PRTG: variants seen among roughly 807,000 people sequenced by gnomAD.
The protein encoded by PRTG is protogenin.
PRTG carries 67 observed loss-of-function variants against 122.5 expected under a neutral mutation model. The observed-to-expected ratio is 0.55, with a 90% CI of 0.45 to 0.67. The LOEUF (loss-of-function observed/expected upper bound fraction) is 0.67. Ranked by LOEUF, PRTG falls within the 30% of genes least tolerant of loss-of-function variation. PRTG has a pLI of 0.00. For synonymous variants in PRTG, 554 were observed against 501.1 expected (o/e 1.11, Z -1.41); for missense variants, 1,435 against 1,415.4 (o/e 1.01, Z -0.22).
chr15:55,702,439 T>C (rs1945139680), intron 2 of PRTG, among the ~76,000 whole-genome samples: 2 of 152,230 alleles, frequency 1.3e-5, no homozygotes, highest in Admixed American at 1.3e-4. Flanking sequence ...AATAGACATC[T>C]GATAAACACA....
At chr15:55,738,625 A>G (rs2031510242) in intron 2 of PRTG, 1 of 646,918 alleles carries the variant, frequency 1.5e-6, no homozygotes, top group Non-Finnish European at 2.8e-6. Context: ...TGAACAGAAT[A>G]TAAGCATAAA....
intron 17 of PRTG, among the ~76,000 whole-genome samples, chr15:55,626,201 A>C (rs1268122767): frequency 1.3e-5 from 2 of 152,128 alleles, no homozygotes; most frequent in Non-Finnish European, 1.5e-5. Flanking sequence ...AGACCATTTA[A>C]GGTCAGGAGT....
intron 12 of PRTG, 135 bp downstream of exon 12, chr15:55,640,975 AACT>A (rs2141736638): frequency 1.8e-6 from 1 of 544,600 alleles, no homozygotes; most frequent in Non-Finnish European, 3.2e-6. Context: ...AAAACAAAAA[AACT>A]ACGCTATACA....
rs181451386 is a variant in PRTG, at chr15:55,690,622, C to T, written c.398-6691G>A. ...TTCAGCCTTTTGGATTTGGGATGCT[C>T]AACCGGCGTAATGCAAATATTACAA... On this transcript the variant is annotated intron_variant, in intron 2 of 19. Coordinates refer to ENST00000389286, the MANE Select transcript of PRTG (RefSeq NM_173814.6). 6.3e-3 allele frequency among the ~76,000 whole-genome samples: 963 copies of T among 152,174 alleles called. 11 individuals carry two copies. The highest frequency in any genetic ancestry group is 0.022 in the African/African-American group (928 of 41,514).
At chr15:55,692,798 AAC>A (rs1268893831) in intron 2 of PRTG, among the ~76,000 whole-genome samples, 4 of 151,824 alleles carry the variant, frequency 2.6e-5, no homozygotes, top group Non-Finnish European at 4.4e-5. Context: ...AGCCTAAAAA[AAC>A]AGTGTTTACT....
At chr15:55,679,978 A>G in intron 6 of PRTG, 76 bp downstream of exon 6, 1 of 1,160,276 alleles carries the variant, frequency 8.6e-7, no homozygotes, top group Non-Finnish European at 1.3e-6. Context: ...TCAAGAAAGA[A>G]GTAAGCTATG....
At chr15:55,691,079 G>A (rs1384705138) in intron 2 of PRTG, among the ~76,000 whole-genome samples, 4 of 152,114 alleles carry the variant, frequency 2.6e-5, no homozygotes, top group Non-Finnish European at 4.4e-5. Context: ...TGGATCACCT[G>A]AGGTCAGGAG....
At chr15:55,620,983 C>A (rs2059163138) in intron 18 of PRTG, among the ~76,000 whole-genome samples, 1 of 151,938 alleles carries the variant, frequency 6.6e-6, no homozygotes, top group Non-Finnish European at 1.5e-5. Context: ...TACTCATTAC[C>A]CAAATAGTAA....
chr15:55,688,869 G>A (rs187925888), intron 2 of PRTG, among the ~76,000 whole-genome samples: 2 of 152,204 alleles, frequency 1.3e-5, no homozygotes, highest in East Asian at 3.9e-4. Flanking sequence ...GCACTCCAAA[G>A]TCATCGTGTC....
chr15:55,624,627 A>G (rs1344200293), intron 17 of PRTG, 120 bp from the exon 18 acceptor site: 9 of 669,106 alleles, frequency 1.3e-5, no homozygotes, highest in Non-Finnish European at 1.9e-5. Flanking sequence ...CATTTCTCAA[A>G]TATTTTTAGA....
intron 16 of PRTG, 131 bp downstream of exon 16, chr15:55,628,691 G>A (rs1433148769): frequency 1.5e-6 from 1 of 675,528 alleles, no homozygotes; most frequent in Non-Finnish European, 2.4e-6. Context: ...AACATCAGAA[G>A]CTCATCAGCA....
In PRTG at chr15:55,742,850, T is replaced by A. The variant is rs764806625; in HGVS notation, c.82A>T (p.Ser28Cys). The A allele has an allele frequency of 6.5e-7, 1 of 1,540,566 alleles. No individual in the cohort carries two copies. Among genetic ancestry groups the A allele is most frequent in the South Asian group, 1.2e-5 (1 of 83,770 alleles). Residue 28 changes from serine (S) to cysteine (C), a missense_variant, in exon 1 of 20, where the codon AGT (serine) becomes TGT (cysteine). Physicochemically the swap from Ser to Cys is moderately radical, Grantham distance 112. Coordinates refer to ENST00000389286, the MANE Select transcript of PRTG (RefSeq NM_173814.6). Reference sequence around the variant, plus strand: ...AAAGCGCGCCCACCTGGCAAAGGACTGAGCAGCAGCAGGAGCAGGAGCGCG... The same window carrying A: ...AAAGCGCGCCCACCTGGCAAAGGACAGAGCAGCAGCAGGAGCAGGAGCGCG... ...LRALLLLLLL[S>C]PLPGVWCFSE...
At chr15:55,674,166 C>G (rs1488244105) in intron 9 of PRTG, among the ~76,000 whole-genome samples, 2 of 152,110 alleles carry the variant, frequency 1.3e-5, no homozygotes, top group South Asian at 2.1e-4. Context: ...AGTTTTTCCT[C>G]CAAACATTTT....
rs142004785 is a variant in PRTG, at chr15:55,638,180, A to G, written c.2452+369T>C. 6.3e-3 allele frequency among the ~76,000 whole-genome samples: 954 copies of G among 152,334 alleles called. 12 individuals are homozygous for G. Among genetic ancestry groups the G allele is most frequent in the African/African-American group, 0.022 (908 of 41,576 alleles). On this transcript the variant is annotated intron_variant, in intron 14 of 19. Transcript: ENST00000389286. ...GCACTGTGCACACTATCAAGCTGCT[A>G]TTCATACAGAAATAACTTCATTATA... is the stretch of plus-strand genomic sequence containing the variant.
intron 2 of PRTG, among the ~76,000 whole-genome samples, chr15:55,703,501 T>A (rs529317938): frequency 6.6e-6 from 1 of 152,126 alleles, no homozygotes; most frequent in South Asian, 2.1e-4. Context: ...GATGTAGAAA[T>A]GTGATAAGAG....
chr15:55,676,087 G>C (rs2059501128), intron 8 of PRTG, among the ~76,000 whole-genome samples: 1 of 152,052 alleles, frequency 6.6e-6, no homozygotes, highest in African/African-American at 2.4e-5. Flanking sequence ...AGACAGTAGG[G>C]AATGTAATGG....
chr15:55,699,131 C>G (rs1195836346), intron 2 of PRTG, among the ~76,000 whole-genome samples: 1 of 152,144 alleles, frequency 6.6e-6, no homozygotes, highest in Non-Finnish European at 1.5e-5. Context: ...TCTCTAGTTA[C>G]AGCCATTGTA....
chr15:55,742,532 A>C, intron 1 of PRTG: 5 of 286,052 alleles, frequency 1.7e-5, no homozygotes, highest in East Asian at 5.9e-5. Context: ...ATGGCGCGAG[A>C]AGGAAGAGAC....
chr15:55,666,619 C>T (rs28576513), intron 11 of PRTG, among the ~76,000 whole-genome samples: 3,094 of 152,178 alleles, frequency 0.02, 110 homozygotes, highest in African/African-American at 0.069. Context: ...AAGCTCAAGA[C>T]GCATTAGCTT....
Sources: gnomAD v4.1 joint callset for allele counts (sites outside exome capture counted in the v4.1 genomes callset) on GRCh38, gnomAD v4.1.1 for gene constraint, MANE v1.5 for transcripts, NCBI Gene and HGNC (gene_info 2026-07-23, HGNC 2026-07-21) for gene names.